The following SCGN variants were observed in gnomAD, a reference collection of about 807,000 sequenced individuals.
The protein encoded by SCGN is secretagogin, EF-hand calcium binding protein.
In SCGN, 30 loss-of-function variants were observed where a neutral mutation model predicts 39.7. That is an observed-to-expected ratio of 0.76 (90% CI 0.57 to 1.03). The LOEUF is 1.03. Ranked by LOEUF, SCGN falls within the 50% of genes least tolerant of loss-of-function variation. The pLI is 0.00. For synonymous variants in SCGN, 106 were observed against 114.1 expected, an observed-to-expected ratio of 0.93 and a Z score of 0.45; for missense variants, 353 against 349.4, an observed-to-expected ratio of 1.01 and a Z score of -0.08.
At chr6:25,665,152 A>T in intron 4 of SCGN, 120 bp downstream of exon 4, 1 of 731,182 alleles carries the variant, frequency 1.4e-6, no homozygotes, top group Non-Finnish European at 2.3e-6. Context: ...AGCACAGAGG[A>T]TAAGACCAAG....
At position 25,664,991 on chromosome 6, in the gene SCGN, C is replaced by A; in HGVS notation, c.295C>A (p.Arg99Ser). The change falls in exon 4 of 11, where the codon CGC (arginine) becomes AGC (serine). Residue 99 changes from arginine to serine, a missense_variant. Physicochemically the swap from Arg to Ser is moderately radical, Grantham distance 110 (BLOSUM62 -1). Transcript: ENST00000377961. ...SEDENFLLLF[R>S]RENPLDSSVE... ...GGATGAAAACTTTCTTCTGCTCTTT[C>A]GCCGGGAAAACCCACTGGACAGCAG... 2.5e-6 allele frequency: 4 copies of A among 1,614,020 alleles called. No homozygotes were observed. The highest frequency in any genetic ancestry group is 1.1e-5 in the South Asian group (1 of 91,080).
chr6:25,685,716 A>T (rs1353500464), intron 7 of SCGN, among the ~76,000 whole-genome samples: 1 of 152,154 alleles, frequency 6.6e-6, no homozygotes, highest in African/African-American at 2.4e-5. Context: ...CAAAAACAAG[A>T]TTATTTTAAA....
chr6:25,686,455 C>T (rs1219413143), intron 7 of SCGN, among the ~76,000 whole-genome samples: 2 of 152,066 alleles, frequency 1.3e-5, no homozygotes, highest in South Asian at 2.1e-4. Context: ...ATTTGCATTT[C>T]GAACATTTTT....
In SCGN at chr6:25,663,832, C is replaced by T. The variant is rs530833088; in HGVS notation, c.247-1111C>T. Among the ~76,000 whole-genome samples the T allele has an allele frequency of 3.3e-5, 5 of 152,278 alleles. No individual in the cohort carries two copies. The South Asian group carries it at 1.0e-3, about 32-fold the overall frequency. ...CTCAACATCTGATAGTTATTGTTAACATGGTGTGTCCTTGAGCTGACCCAT... is the reference window on the plus strand; with the variant it reads ...CTCAACATCTGATAGTTATTGTTAATATGGTGTGTCCTTGAGCTGACCCAT... On this transcript the variant is annotated intron_variant, in intron 3 of 10. Coordinates refer to ENST00000377961, the MANE Select transcript of SCGN (RefSeq NM_006998.4).
chr6:25,681,835 C>T (rs555494006), intron 6 of SCGN, 116 bp from the exon 7 acceptor site: 27 of 784,888 alleles, frequency 3.4e-5, no homozygotes, highest in Admixed American at 2.8e-4. Flanking sequence ...GGCAAGTGGG[C>T]TCCTCAGCCA....
intron 10 of SCGN, among the ~76,000 whole-genome samples, chr6:25,699,733 C>T (rs922966977): frequency 6.6e-6 from 1 of 151,946 alleles, no homozygotes; most frequent in Non-Finnish European, 1.5e-5. Flanking sequence ...TCTGTTTGTG[C>T]AAATAAAGGA....
intron 10 of SCGN, among the ~76,000 whole-genome samples, chr6:25,693,835 C>T (rs770044494): frequency 2.6e-5 from 4 of 152,102 alleles, no homozygotes; most frequent in Non-Finnish European, 4.4e-5. Context: ...AGGCTGACCC[C>T]CTGGGGTTCC....
chr6:25,700,210 C>A (rs755984382), intron 10 of SCGN, among the ~76,000 whole-genome samples: 1 of 143,376 alleles, frequency 7.0e-6, no homozygotes, highest in Non-Finnish European at 1.5e-5. Flanking sequence ...ACTGCCACTG[C>A]ACTCCAGCAG....
At chr6:25,678,497 T>G (rs550135236) in intron 6 of SCGN, among the ~76,000 whole-genome samples, 1 of 152,346 alleles carries the variant, frequency 6.6e-6, no homozygotes, top group East Asian at 1.9e-4. Context: ...GTTTGCAGTC[T>G]AGCATTTATT....
intron 6 of SCGN, among the ~76,000 whole-genome samples, chr6:25,676,211 T>A (rs1225808883): frequency 6.6e-6 from 1 of 152,232 alleles, no homozygotes; most frequent in Non-Finnish European, 1.5e-5. Flanking sequence ...CTCAACTGAA[T>A]TGCAAGATGC....
In SCGN at chr6:25,652,455, T is replaced by G; in HGVS notation, c.52T>G (p.Trp18Gly). Reference sequence around the variant, plus strand: ...GGGGCGCTTGGACGCCGCTGGCTTCTGGCAGGTCTGGCAGCGCTTTGATGC... The same window carrying G: ...GGGGCGCTTGGACGCCGCTGGCTTCGGGCAGGTCTGGCAGCGCTTTGATGC... Reference protein sequence around the residue: ...TLGRLDAAGFWQVWQRFDADE... With the variant: ...TLGRLDAAGFGQVWQRFDADE... Residue 18 changes from tryptophan to glycine, a missense_variant, in exon 1 of 11, where the codon TGG becomes GGG. Physicochemically the swap from Trp to Gly is radical, Grantham distance 184. Transcript: ENST00000377961. 3 of 1,614,100 alleles carry G rather than the reference T, an allele frequency of 1.9e-6. No homozygotes were observed. Among genetic ancestry groups the G allele is most frequent in the African/African-American group, 1.3e-5 (1 of 75,050 alleles).
At chr6:25,698,580 G>T (rs569698489) in intron 10 of SCGN, among the ~76,000 whole-genome samples, 1 of 152,300 alleles carries the variant, frequency 6.6e-6, no homozygotes, top group East Asian at 1.9e-4. Context: ...TACAACAAAT[G>T]AACTCCCACC....
In SCGN at chr6:25,652,375, G is replaced by T. The variant is rs1188875944; in HGVS notation, c.-29G>T. The T allele has an allele frequency of 1.9e-6, 3 of 1,606,116 alleles. No homozygotes were observed. The highest frequency in any genetic ancestry group is 2.2e-5 in the South Asian group (2 of 90,808). Reference sequence around the variant, plus strand: ...CCCAAAGTTGTCTAGGTCCTTCCGCGCCGGTGCCTGGTCTTCGTCGTCAAC... The same window carrying T: ...CCCAAAGTTGTCTAGGTCCTTCCGCTCCGGTGCCTGGTCTTCGTCGTCAAC... On this transcript the variant is annotated 5_prime_UTR_variant, in exon 1 of 11. Coordinates refer to ENST00000377961, the MANE Select transcript of SCGN (RefSeq NM_006998.4).
At chr6:25,683,815 C>A (rs889140476) in intron 7 of SCGN, among the ~76,000 whole-genome samples, 5 of 152,106 alleles carry the variant, frequency 3.3e-5, no homozygotes, top group Non-Finnish European at 7.4e-5. Flanking sequence ...CCAAATGAGA[C>A]AAAGTATGTT....
rs1377612570 is a variant in SCGN at position 25,701,330 on chromosome 6, C to T, written c.826C>T (p.Pro276Ser). The T allele has an allele frequency of 1.2e-6, 2 of 1,611,566 alleles. No individual in the cohort carries two copies. The highest frequency in any genetic ancestry group is 2.2e-5 in the South Asian group (2 of 90,394). ...LALCLGLKIN[P>S] Reference sequence around the variant, plus strand: ...TTTGTGTCTTGGGCTGAAAATCAACCCATAATCCCAGACTGCTTTGCCTTT... The same window carrying T: ...TTTGTGTCTTGGGCTGAAAATCAACTCATAATCCCAGACTGCTTTGCCTTT... The change falls in exon 11 of 11, where the codon CCA becomes TCA. Residue 276 changes from proline to serine, a missense_variant. Pro to Ser is a moderately conservative substitution (Grantham distance 74). Transcript: ENST00000377961.
chr6:25,697,362 G>A (rs953138795), intron 10 of SCGN, among the ~76,000 whole-genome samples: 6 of 152,112 alleles, frequency 3.9e-5, no homozygotes, highest in African/African-American at 1.4e-4. Context: ...ATAAGGTTCT[G>A]GTTAATTAAA....
intron 6 of SCGN, among the ~76,000 whole-genome samples, chr6:25,673,484 C>T (rs1759526189): frequency 6.6e-6 from 1 of 152,154 alleles, no homozygotes; most frequent in African/African-American, 2.4e-5. Context: ...AATGGGATGT[C>T]CTGAGCTCAA....
chr6:25,673,840 A>C (rs183583407), intron 6 of SCGN, among the ~76,000 whole-genome samples: 2 of 152,294 alleles, frequency 1.3e-5, no homozygotes, highest in East Asian at 3.9e-4. Context: ...AGAAGGTTTC[A>C]TTGGCTCATG....
At chr6:25,665,887 GCA>G (rs1415949006) in intron 4 of SCGN, among the ~76,000 whole-genome samples, 1 of 152,118 alleles carries the variant, frequency 6.6e-6, no homozygotes, top group Non-Finnish European at 1.5e-5. Flanking sequence ...ACAAAAATAT[GCA>G]ATACTTTCAA....
Sources: allele counts gnomAD v4.1 joint callset (sites outside exome capture counted in the v4.1 genomes callset), GRCh38; gene constraint gnomAD v4.1.1; transcripts MANE v1.5; gene names NCBI Gene and HGNC (gene_info 2026-07-23, HGNC 2026-07-21).